CCT6A: variants seen among roughly 807,000 people sequenced by gnomAD.
CCT6A encodes the protein chaperonin containing TCP1 subunit 6A.
A neutral mutation model predicts 58.6 loss-of-function variants in CCT6A; 6 were observed. The ratio of observed to expected loss-of-function variants is 0.10; its 90% CI spans 0.06 to 0.20. CCT6A has a LOEUF of 0.20. Ranked by LOEUF, CCT6A falls within the 10% of genes least tolerant of loss-of-function variation. The probability of loss-of-function intolerance (pLI) is 1.00; values close to 1 mark genes in which losing one functional copy is unlikely to be tolerated. For synonymous variants in CCT6A, 245 were observed against 227.8 expected, an observed-to-expected ratio of 1.08 and a Z score of -0.68; for missense variants, 516 against 648.8, an observed-to-expected ratio of 0.80 and a Z score of 2.22.
intron 5 of CCT6A, among the ~76,000 whole-genome samples, 161 bp downstream of exon 5, chr7:56,056,575 T>C (rs1165595001): frequency 6.6e-6 from 1 of 151,332 alleles, no homozygotes; most frequent in Non-Finnish European, 1.5e-5. Flanking sequence ...TTACAAAAAT[T>C]AACCAGGCGT....
chr7:56,061,933 T>A, intron 12 of CCT6A, 84 bp downstream of exon 12: 1 of 749,414 alleles, frequency 1.3e-6, no homozygotes, highest in Non-Finnish European at 2.1e-6. Flanking sequence ...ATGTTTTGCT[T>A]TGCAATTTGA....
At position 56,055,619 on chromosome 7, in the gene CCT6A, T is replaced by G. The variant is rs1228048799; in HGVS notation, c.337-5T>G. 5 of 1,612,392 alleles carry G rather than the reference T, an allele frequency of 3.1e-6. No individual in the cohort carries two copies. In the African/African-American group the frequency reaches 6.7e-5, roughly 22 times the overall value. On this transcript the variant is annotated splice_region_variant and splice_polypyrimidine_tract_variant and intron_variant, in intron 3 of 13. Transcript: ENST00000275603. ...GATGCAAGTGTTAATGTGTGTTTATTTTAGGGCCTTCATCCTAGAATAATC... is the reference window on the plus strand; with the variant it reads ...GATGCAAGTGTTAATGTGTGTTTATGTTAGGGCCTTCATCCTAGAATAATC...
intron 2 of CCT6A, among the ~76,000 whole-genome samples, 164 bp from the exon 3 acceptor site, chr7:56,054,202 CATT>C (rs1342087010): frequency 3.3e-5 from 5 of 152,196 alleles, no homozygotes; most frequent in African/African-American, 4.8e-5. Context: ...ACGTTTCAAT[CATT>C]ATAATTGCAT....
chr7:56,053,772 A>G (rs1475537638), intron 2 of CCT6A, among the ~76,000 whole-genome samples: 1 of 152,128 alleles, frequency 6.6e-6, no homozygotes, highest in African/African-American at 2.4e-5. Context: ...AAAACAAAAA[A>G]TTATTTGGGT....
chr7:56,055,893 A>C (rs1794294529), intron 4 of CCT6A, 96 bp downstream of exon 4: 1 of 923,590 alleles, frequency 1.1e-6, no homozygotes, highest in Non-Finnish European at 1.7e-6. Flanking sequence ...TTCAATTACA[A>C]GGTGCTGTGT....
intron 2 of CCT6A, among the ~76,000 whole-genome samples, chr7:56,053,188 G>A (rs7793921): frequency 0.64 from 96,550 of 152,016 alleles, 31,177 homozygotes; most frequent in Non-Finnish European, 0.69. Context: ...TAGGGATGGA[G>A]AATATTAGAT....
In CCT6A at chr7:56,058,471, A is replaced by G. The variant is rs373398489; in HGVS notation, c.835A>G (p.Arg279Gly). The G allele has an allele frequency of 3.8e-5, 61 of 1,599,098 alleles. No individual in the cohort carries two copies. The highest frequency in any genetic ancestry group is 4.8e-5 in the Non-Finnish European group (56 of 1,176,052). The part of the protein sequence containing the change: ...DRVKKIIELK[R>G]KVCGDSDKGF... ...GGTTAAAAAAATAATAGAACTGAAA[A>G]GGAAAGTCTGTGGCGATTCAGATAA... is the stretch of plus-strand genomic sequence containing the variant. Residue 279 changes from arginine to glycine, a missense_variant, in exon 7 of 14, where the codon AGG (arginine) becomes GGG (glycine). Transcript: ENST00000275603.
chr7:56,055,371 A>G, intron 3 of CCT6A: 1 of 561,690 alleles, frequency 1.8e-6, no homozygotes, highest in Non-Finnish European at 3.2e-6. Context: ...TGGTTTGCAC[A>G]GTGAACACCC....
At chr7:56,058,310 G>GCTGCTTTCTTAATGTTTCC in intron 6 of CCT6A, 52 bp from the exon 7 acceptor site, 1 of 1,352,836 alleles carries the variant, frequency 7.4e-7, no homozygotes, top group African/African-American at 1.5e-5. Flanking sequence ...AGTTTCAGAA[G>GCTGCTTTCTTAATGTTTCC]CTGCTTTCTT....
Position 56,063,308 on chromosome 7 carries a change from G to A in CCT6A, c.*223G>A, listed in dbSNP as rs1584556155. 9.3e-6 allele frequency: 5 copies of A among 540,138 alleles called. No individual in the cohort carries two copies. In the East Asian group the frequency reaches 1.6e-4, roughly 17 times the overall value. The allele number at this position is 540,138 out of a possible 1,614,324, so 33.5% of individuals were successfully genotyped here. A position where few individuals can be genotyped will look rare whatever the true frequency, so the allele number is the denominator to read the frequency against. ...ACATAAAGCAGGTCTTTTATCCAGT[G>A]AACAGGATGTTTTGCTTTAGCAGCA... On this transcript the variant is annotated 3_prime_UTR_variant, in exon 14 of 14. Coordinates refer to ENST00000275603, the MANE Select transcript of CCT6A (RefSeq NM_001762.4).
rs772819900 is a variant in CCT6A, at chr7:56,051,902, G to A, written c.54G>A (p.Ala18=). The A allele has an allele frequency of 1.3e-6, 2 of 1,554,764 alleles. No homozygotes were observed. Among genetic ancestry groups the A allele is most frequent in the East Asian group, 4.9e-5 (2 of 41,190 alleles). Residue 18 remains alanine (A), a synonymous_variant, in exon 1 of 14, where the codon GCG becomes GCA. Transcript: ENST00000275603. ...AGGCCGAGGTGGCCCGAGCGCAGGC[G>A]GCGCTGGCGGTCAACATCAGCGCAG... The part of the protein sequence containing the change: ...NPKAEVARAQ[A]ALAVNISAAR...
chr7:56,060,737 A>T, intron 10 of CCT6A, 70 bp from the exon 11 acceptor site: 4 of 1,515,312 alleles, frequency 2.6e-6, no homozygotes, highest in Non-Finnish European at 2.7e-6. Flanking sequence ...TGGCTTTCAT[A>T]TGTATATTTT....
At chr7:56,062,897 A>C in intron 13 of CCT6A, 116 bp from the exon 14 acceptor site, 1 of 1,139,114 alleles carries the variant, frequency 8.8e-7, no homozygotes, top group Non-Finnish European at 1.3e-6. Flanking sequence ...TGATGTGTAG[A>C]GGGGAAGGGG....
rs755505409 is a variant in CCT6A at position 56,057,979 on chromosome 7, G to T, written c.615-14G>T. 25 of 1,402,922 alleles carry T rather than the reference G, an allele frequency of 1.8e-5. 1 individual carries two copies. In the Admixed American group the frequency reaches 3.9e-4, roughly 22 times the overall value. 86.9% of individuals were successfully genotyped at this position (1,402,922 alleles called of 1,614,324 possible). A position where few individuals can be genotyped will look rare whatever the true frequency, so the allele number is the denominator to read the frequency against. On this transcript the variant is annotated splice_polypyrimidine_tract_variant and intron_variant, in intron 5 of 13. Coordinates refer to ENST00000275603, the MANE Select transcript of CCT6A (RefSeq NM_001762.4). ...TGAAAATCAATAACCATAATTTTGT[G>T]TGTGTTTAAACAGCTTAATCAGAGG...
chr7:56,060,283 T>C lies in CCT6A; in HGVS notation c.1080T>C (p.Phe360=). 6.2e-7 allele frequency: 1 copy of C among 1,613,916 alleles called. No homozygotes were observed. ...TCTACACATAGGGAGAAGAGAAGTT[T>C]ACCTTTATTGAGAAATGTAACAACC... ...VYEYTLGEEK[F]TFIEKCNNPR... Residue 360 remains phenylalanine, a synonymous_variant, in exon 10 of 14, where the codon TTT becomes TTC. Coordinates refer to ENST00000275603, the MANE Select transcript of CCT6A (RefSeq NM_001762.4).
chr7:56,058,765 A>T, intron 8 of CCT6A, 63 bp downstream of exon 8: 1 of 1,060,046 alleles, frequency 9.4e-7, no homozygotes, highest in East Asian at 2.4e-5. Context: ...CTTTTTCCTT[A>T]TACTTTATTT....
intron 2 of CCT6A, among the ~76,000 whole-genome samples, chr7:56,053,475 G>GGTGT (rs1439388395): frequency 6.6e-6 from 1 of 152,156 alleles, no homozygotes; most frequent in African/African-American, 2.4e-5. Context: ...TTGGGGGCTA[G>GGTGT]GTGTGGTGGC....
intron 11 of CCT6A, 150 bp from the exon 12 acceptor site, chr7:56,061,597 A>G (rs1025988723): frequency 2.2e-6 from 1 of 460,888 alleles, no homozygotes; most frequent in Non-Finnish European, 3.8e-6. Flanking sequence ...TCCACCTTCC[A>G]CGGCCTCCCA....
chr7:56,057,945 A>AT (rs1197906758), intron 5 of CCT6A, 48 bp from the exon 6 acceptor site: 2 of 964,438 alleles, frequency 2.1e-6, no homozygotes, highest in African/African-American at 3.2e-5. Flanking sequence ...AATATATTAA[A>AT]TACCCATCTG....
Sources: gnomAD v4.1 joint callset for allele counts (sites outside exome capture counted in the v4.1 genomes callset) on GRCh38, gnomAD v4.1.1 for gene constraint, MANE v1.5 for transcripts, NCBI Gene and HGNC (gene_info 2026-07-23, HGNC 2026-07-21) for gene names.